Variants in KIF22 observed in about 807,000 individuals in gnomAD.
The protein encoded by KIF22 is kinesin family member 22.
A neutral mutation model predicts 73.0 loss-of-function variants in KIF22; 62 were observed. That is an observed-to-expected ratio of 0.85 (90% CI 0.69 to 1.05). The LOEUF (loss-of-function observed/expected upper bound fraction) is 1.05. KIF22 is among the 50% of genes least tolerant of loss of function. The pLI is 0.00. For missense variants in KIF22, 854 were observed against 870.1 expected (o/e 0.98, Z 0.23); for synonymous variants, 411 against 340.1 (o/e 1.21, Z -2.29).
chr16:29,803,682 G>A, intron 10 of KIF22, 74 bp downstream of exon 10: 1 of 1,218,364 alleles, frequency 8.2e-7, no homozygotes, highest in Admixed American at 2.3e-5. Flanking sequence ...AGGAGCAGCT[G>A]TCTCCATGTC....
At chr16:29,795,850 T>C (rs1898936058) in intron 1 of KIF22, among the ~76,000 whole-genome samples, 1 of 152,164 alleles carries the variant, frequency 6.6e-6, no homozygotes, top group African/African-American at 2.4e-5. Context: ...AAGAATTGCA[T>C]GTCGGTGGTT....
chr16:29,801,018 G>A (rs1899118905), intron 8 of KIF22, among the ~76,000 whole-genome samples: 1 of 152,166 alleles, frequency 6.6e-6, no homozygotes, highest in Admixed American at 6.5e-5. Context: ...ATCCATGAGA[G>A]CAAAGCAAAG....
rs1458617148 is a variant in KIF22, at chr16:29,798,956, C to A, written c.550-19C>A. 1 of 1,610,616 alleles carries A rather than the reference C, an allele frequency of 6.2e-7. No individual in the cohort carries two copies. The highest frequency in any genetic ancestry group is 1.3e-5 in the African/African-American group (1 of 74,824). ...GCCTCTCTATGGAGAATTGCCCTTC[C>A]CCTTCACTGCTTACACAGGTATTAG... On this transcript the variant is annotated intron_variant, in intron 4 of 13. Transcript: ENST00000160827. This position sits in a 1 kb window ranked among gnomAD's most constrained non-coding sequence, Gnocchi z 4.1.
In KIF22 at chr16:29,804,082, GC is replaced by G. The variant is rs755691285; in HGVS notation, c.1677+18del. ...AAGAGAAAGGTGAAAGTAGCTGGGG[GC>G]TTAGGCTACACCTGGAGCCCAGAAG... On this transcript the variant is annotated intron_variant, in intron 11 of 13. Coordinates refer to ENST00000160827, the MANE Select transcript of KIF22 (RefSeq NM_007317.3). 2 of 1,606,240 alleles carry G rather than the reference GC, an allele frequency of 1.2e-6. No homozygotes were observed. The highest frequency in any genetic ancestry group is 1.7e-6 in the Non-Finnish European group (2 of 1,172,894).
chr16:29,796,909 G>A lies in KIF22; in HGVS notation c.87G>A (p.Arg29=). ...AAAISGAGRC[R]LSKIGATRRP... ...CTCCTCCAGGAGCTGGTCGCTGTCG[G>A]CTAAGCAAGATTGGAGCTACTCGTC... The change falls in exon 2 of 14, where the codon CGG becomes CGA. Residue 29 remains arginine, a synonymous_variant. Transcript: ENST00000160827. The A allele has an allele frequency of 1.2e-6, 2 of 1,614,056 alleles. No homozygotes were observed. The highest frequency in any genetic ancestry group is 3.3e-4 in the Middle Eastern group (2 of 6,062).
intron 6 of KIF22, 49 bp downstream of exon 6, chr16:29,799,543 C>G: frequency 6.2e-7 from 1 of 1,612,172 alleles, no homozygotes; most frequent in South Asian, 1.1e-5. Flanking sequence ...AGGAGGTTCT[C>G]AGGCCTGCTG....
intron 10 of KIF22, 58 bp downstream of exon 10, chr16:29,803,666 A>G (rs1899225902): frequency 7.3e-7 from 1 of 1,368,446 alleles, no homozygotes; most frequent in South Asian, 1.2e-5. Context: ...TAAGGGAGGA[A>G]GTGTTAGGAG....
At chr16:29,800,136 G>A in intron 8 of KIF22, 88 bp downstream of exon 8, 1 of 1,430,618 alleles carries the variant, frequency 7.0e-7, no homozygotes, top group Non-Finnish European at 9.3e-7. Flanking sequence ...TGAGCAGAGA[G>A]CTGTGATCTT....
chr16:29,798,480 G>A lies in KIF22; in HGVS notation c.373G>A (p.Ala125Thr), dbSNP rs775699124. The A allele has an allele frequency of 6.2e-7, 1 of 1,614,068 alleles. No homozygotes were observed. The highest frequency in any genetic ancestry group is 8.5e-7 in the Non-Finnish European group (1 of 1,180,046). ...LLEGQNASVLAYGPTGAGKTH... is the reference protein window; with the variant it reads ...LLEGQNASVLTYGPTGAGKTH... ...GGAAGGGCAGAATGCCAGTGTGCTT[G>A]CCTATGGACCCACAGGAGCTGGTGA... is the stretch of plus-strand genomic sequence containing the variant. The change falls in exon 3 of 14, where the codon GCC becomes ACC. Residue 125 changes from alanine to threonine, a missense_variant. This residue lies in a region of KIF22 where 245 missense variants were observed against 351.8 expected (regional missense o/e 0.70). Transcript: ENST00000160827. This position sits in a 1 kb window ranked among gnomAD's most constrained non-coding sequence, Gnocchi z 4.1.
At chr16:29,793,619 G>A (rs1898876848) in intron 1 of KIF22, among the ~76,000 whole-genome samples, 3 of 152,184 alleles carry the variant, frequency 2.0e-5, no homozygotes, top group Admixed American at 2.0e-4. Context: ...CAGGACATTT[G>A]GAGATGTCTG....
intron 1 of KIF22, chr16:29,792,533 G>T: frequency 2.8e-6 from 1 of 363,216 alleles, no homozygotes; most frequent in Non-Finnish European, 3.8e-6. Context: ...GATAAAACTT[G>T]TTCTCACAGT....
Position 29,798,346 on chromosome 16 carries a change from A to G in KIF22, c.267-28A>G, listed in dbSNP as rs1426226984. 1.1e-5 allele frequency: 17 copies of G among 1,494,926 alleles called. No individual in the cohort carries two copies. The Admixed American group carries it at 1.4e-4, about 12-fold the overall frequency. The allele number at this position is 1,494,926 out of a possible 1,614,324, so 92.6% of individuals were successfully genotyped here. A position where few individuals can be genotyped will look rare whatever the true frequency, so the allele number is the denominator to read the frequency against. ...CACACACACACACACACACACACAC[A>G]CGCTAATTTCTTTCTTTCTTCCTGC... On this transcript the variant is annotated intron_variant, in intron 2 of 13. Transcript: ENST00000160827. This position sits in a 1 kb window ranked among gnomAD's most constrained non-coding sequence, Gnocchi z 4.1.
intron 1 of KIF22, chr16:29,791,105 T>G: frequency 7.4e-7 from 1 of 1,354,638 alleles, no homozygotes; most frequent in East Asian, 3.0e-5. Context: ...CTTTGTGAGC[T>G]TCGGTTTCTT....
At chr16:29,799,805 T>C in intron 7 of KIF22, 24 bp downstream of exon 7, 10 of 1,612,770 alleles carry the variant, frequency 6.2e-6, no homozygotes, top group Non-Finnish European at 8.5e-6. Flanking sequence ...GAGGCAGGAG[T>C]GGAAACGCTG....
chr16:29,803,598 C>T lies in KIF22; in HGVS notation c.1599C>T (p.Pro533=). Residue 533 remains proline (P), a synonymous_variant, in exon 10 of 14, where the codon CCC becomes CCT. Coordinates refer to ENST00000160827, the MANE Select transcript of KIF22 (RefSeq NM_007317.3). ...CCCTGAAAAAGGCTGTGGTGATGCC[C>T]CTACAGCTAAGTAAGTTTGACTCCA... The part of the protein sequence containing the change: ...AKPLKKAVVM[P]LQLIQEQAAS... The T allele has an allele frequency of 1.9e-6, 3 of 1,607,128 alleles. No individual in the cohort carries two copies. Among genetic ancestry groups the T allele is most frequent in the Non-Finnish European group, 2.5e-6 (3 of 1,177,080 alleles).
rs1262913770 is a variant in KIF22 at position 29,799,356 on chromosome 16, A to T, written c.852A>T (p.Thr284=). ...CTGGGTCAGAGGACAACCGGCGCAC[A>T]GGCAACAAGGGCCTTCGGCTAAAAG... ...DLAGSEDNRR[T]GNKGLRLKES... is the part of the protein sequence containing the mutation. Residue 284 remains threonine, a synonymous_variant, in exon 6 of 14, where the codon ACA becomes ACT. Coordinates refer to ENST00000160827, the MANE Select transcript of KIF22 (RefSeq NM_007317.3). 4.3e-6 allele frequency: 7 copies of T among 1,614,160 alleles called. No homozygotes were observed. Among genetic ancestry groups the T allele is most frequent in the Non-Finnish European group, 5.9e-6 (7 of 1,180,068 alleles).
At chr16:29,805,220 GC>G (rs1159239785) in intron 13 of KIF22, 42 bp from the exon 14 acceptor site, 1 of 1,613,968 alleles carries the variant, frequency 6.2e-7, no homozygotes, top group African/African-American at 1.3e-5. Context: ...TGCGCCCCGC[GC>G]CCCTCTCTAA....
In KIF22 at chr16:29,799,992, G is replaced by A. The variant is rs375706074; in HGVS notation, c.1224G>A (p.Glu408=). 4 of 1,613,976 alleles carry A rather than the reference G, an allele frequency of 2.5e-6. No homozygotes were observed. The highest frequency in any genetic ancestry group is 2.7e-5 in the African/African-American group (2 of 74,944). ...AGAGAGCCCGAGGCCCTGAGGAAGA[G>A]GAGATCGGGAGCCCTGAGCCCATGG... is the stretch of plus-strand genomic sequence containing the variant. ...EAKRARGPEE[E]EIGSPEPMAA... Residue 408 remains glutamate (E), a synonymous_variant, in exon 8 of 14, where the codon GAG becomes GAA. Coordinates refer to ENST00000160827, the MANE Select transcript of KIF22 (RefSeq NM_007317.3).
chr16:29,803,884 G>C, intron 10 of KIF22, 114 bp from the exon 11 acceptor site: 1 of 839,602 alleles, frequency 1.2e-6, no homozygotes, highest in Non-Finnish European at 2.0e-6. Flanking sequence ...AACACAACAG[G>C]TTAACTCTGG....
Sources: allele counts gnomAD v4.1 joint callset (sites outside exome capture counted in the v4.1 genomes callset), GRCh38; gene constraint gnomAD v4.1.1; regional missense constraint gnomAD v4.1.1; non-coding constraint Gnocchi (gnomAD v3.1); transcripts MANE v1.5; gene names NCBI Gene and HGNC (gene_info 2026-07-23, HGNC 2026-07-21).